The following SYNE2 variants were observed in gnomAD, a reference collection of about 807,000 sequenced individuals.
SYNE2 encodes the protein nesprin-2.
A neutral mutation model predicts 856.3 loss-of-function variants in SYNE2; 431 were observed. That is an observed-to-expected ratio of 0.50 (90% CI 0.47 to 0.55). The LOEUF is 0.55. Ranked by LOEUF, SYNE2 falls within the 20% of genes least tolerant of loss-of-function variation. The pLI, the probability that SYNE2 is intolerant of heterozygous loss-of-function variation, is 0.00. For missense variants in SYNE2, 8,129 were observed against 8,023.2 expected (o/e 1.01, Z -0.50); for synonymous variants, 2,923 against 2,872.3 (o/e 1.02, Z -0.56).
intron 11 of SYNE2, among the ~76,000 whole-genome samples, chr14:63,974,892 G>GTATCTATATATATATATATATATATATA (rs2096527541): frequency 1.5e-5 from 1 of 67,322 alleles, no homozygotes; most frequent in Non-Finnish European, 3.1e-5. Flanking sequence ...GTGTGTGTGT[G>GTATCTATATATATATATATATATATATA]TATATATATA....
At position 63,951,631 on chromosome 14, in the gene SYNE2, G is replaced by A. The variant is rs984285251; in HGVS notation, c.590+1625G>A. ...CCTTACTTTTCTTTAATTGTCATTC[G>A]TTCTCTATATTTTATGAGAGCCATA... On this transcript the variant is annotated intron_variant, in intron 7 of 115. Transcript: ENST00000555002. 3.4e-4 allele frequency among the ~76,000 whole-genome samples: 51 copies of A among 152,032 alleles called. 1 individual carries two copies. Among genetic ancestry groups the A allele is most frequent in the African/African-American group, 1.2e-3 (50 of 41,390 alleles).
chr14:64,072,245 A>G (rs1450298471), intron 52 of SYNE2, among the ~76,000 whole-genome samples: 1 of 152,258 alleles, frequency 6.6e-6, no homozygotes, highest in Non-Finnish European at 1.5e-5. Flanking sequence ...TTTTATGGCT[A>G]GAGGTGCTCT....
chr14:63,802,504 T>G (rs1888178690), intron 1 of SYNE2, among the ~76,000 whole-genome samples: 1 of 152,164 alleles, frequency 6.6e-6, no homozygotes, highest in Non-Finnish European at 1.5e-5. Context: ...ATGATAAAAT[T>G]AGCTAAGGCT....
intron 1 of SYNE2, among the ~76,000 whole-genome samples, chr14:63,897,219 C>T (rs1314937185): frequency 2.6e-5 from 4 of 152,084 alleles, no homozygotes; most frequent in Non-Finnish European, 4.4e-5. Context: ...TGCCACTGCA[C>T]TCCAGCCTGG....
intron 2 of SYNE2, among the ~76,000 whole-genome samples, chr14:63,926,769 G>C (rs572324238): frequency 6.6e-6 from 1 of 152,318 alleles, no homozygotes; most frequent in Non-Finnish European, 1.5e-5. Flanking sequence ...CAAGTAGTCT[G>C]TCTCCACAGC....
intron 34 of SYNE2, among the ~76,000 whole-genome samples, chr14:64,019,207 A>G (rs902801581): frequency 1.3e-5 from 2 of 151,604 alleles, no homozygotes; most frequent in Admixed American, 6.6e-5. Flanking sequence ...GGGGAGGCAG[A>G]GGTTACAGTG....
At chr14:63,996,758 A>G (rs536810213) in intron 23 of SYNE2, among the ~76,000 whole-genome samples, 189 bp from the exon 24 acceptor site, 3 of 152,084 alleles carry the variant, frequency 2.0e-5, no homozygotes, top group Non-Finnish European at 4.4e-5. Context: ...TGTCTAGGTT[A>G]CTGAACCGGA....
rs373288245 is a variant in SYNE2 at position 64,139,958 on chromosome 14, A to G, written c.14861A>G (p.Asp4954Gly). 1.2e-6 allele frequency: 2 copies of G among 1,613,992 alleles called. No individual in the cohort carries two copies. Among genetic ancestry groups the G allele is most frequent in the African/African-American group, 2.7e-5 (2 of 75,010 alleles). ...KHLLSYNRDS[D>G]QLTKWLESSQ... is the part of the protein sequence containing the mutation. ...CCTGTTAGTTATAACAGAGATTCGG[A>G]TCAGTTAACCAAGTGGTTGGAATCT... The change falls in exon 80 of 116, where the codon GAT (aspartate) becomes GGT (glycine). Residue 4954 changes from aspartate (D) to glycine (G), a missense_variant. Asp to Gly is a moderately conservative substitution (Grantham distance 94, BLOSUM62 -1). This residue lies in a region of SYNE2 where 5,410 missense variants were observed against 5,284.8 expected (regional missense o/e 1.02). Coordinates refer to ENST00000555002, the MANE Select transcript of SYNE2 (RefSeq NM_182914.3).
chr14:63,811,516 G>A (rs1417693685), intron 1 of SYNE2, among the ~76,000 whole-genome samples: 1 of 152,166 alleles, frequency 6.6e-6, no homozygotes, highest in Non-Finnish European at 1.5e-5. Context: ...TCCAGCCTTG[G>A]CCTCCCAAAG....
upstream of SYNE2, among the ~76,000 whole-genome samples, chr14:63,848,786 G>A (rs1890311947): frequency 6.6e-6 from 1 of 152,190 alleles, no homozygotes; most frequent in Admixed American, 6.5e-5. Context: ...TGAAATAATT[G>A]CAATAATGAC....
At chr14:63,827,865 G>T (rs1889515973) in intron 1 of SYNE2, among the ~76,000 whole-genome samples, 1 of 151,456 alleles carries the variant, frequency 6.6e-6, no homozygotes, top group East Asian at 1.9e-4. Flanking sequence ...ATATCCATGG[G>T]TTCTACATTT....
chr14:64,225,222 T>C, intron 115 of SYNE2, 97 bp from the exon 116 acceptor site: 1 of 1,592,698 alleles, frequency 6.3e-7, no homozygotes, highest in Non-Finnish European at 8.6e-7. Context: ...AAATCTCAGG[T>C]CTTGGATTTC....
chr14:64,169,318 G>A (rs138080845), intron 93 of SYNE2, among the ~76,000 whole-genome samples: 186 of 152,210 alleles, frequency 1.2e-3, no homozygotes, highest in African/African-American at 4.2e-3. Flanking sequence ...GATGTTTTGC[G>A]ACTTAAAAAA....
At chr14:64,147,091 G>C (rs535508618) in intron 84 of SYNE2, among the ~76,000 whole-genome samples, 1 of 151,504 alleles carries the variant, frequency 6.6e-6, no homozygotes, top group Non-Finnish European at 1.5e-5. Flanking sequence ...CCTACATTCC[G>C]CAGCCTGGTG....
intron 1 of SYNE2, among the ~76,000 whole-genome samples, chr14:63,773,354 C>G (rs964493339): frequency 6.6e-6 from 1 of 151,828 alleles, no homozygotes; most frequent in South Asian, 2.1e-4. Flanking sequence ...TGCACACGAC[C>G]ATGCCCTGAG....
Position 64,152,597 on chromosome 14 carries a change from G to A in SYNE2, c.15673G>A (p.Ala5225Thr), listed in dbSNP as rs1178101743. The A allele has an allele frequency of 1.2e-6, 2 of 1,614,046 alleles. No individual in the cohort carries two copies. The highest frequency in any genetic ancestry group is 8.5e-7 in the Non-Finnish European group (1 of 1,179,980). The change falls in exon 85 of 116, where the codon GCA (alanine) becomes ACA (threonine). Residue 5225 changes from alanine (A) to threonine (T), a missense_variant. Coordinates refer to ENST00000555002, the MANE Select transcript of SYNE2 (RefSeq NM_182914.3). ...AAATCAACTTGCAATTAAATCCAAA[G>A]CACTAGATGAGTTGAAACAAAGTTA... is the stretch of plus-strand genomic sequence containing the variant. ...IENQLAIKSK[A>T]LDELKQSYLT...
intron 64 of SYNE2, among the ~76,000 whole-genome samples, chr14:64,106,655 A>G (rs940167063): frequency 6.6e-6 from 1 of 152,248 alleles, no homozygotes; most frequent in Admixed American, 6.5e-5. Context: ...TCTCAAAAAA[A>G]AATATTAACA....
rs372646104 is a variant in SYNE2 at position 64,001,735 on chromosome 14, A to C, written c.3639-199A>C. 2.4e-4 allele frequency among the ~76,000 whole-genome samples: 36 copies of C among 152,358 alleles called. No homozygotes were observed. The South Asian group carries it at 7.2e-3, about 31-fold the overall frequency. On this transcript the variant is annotated intron_variant, in intron 28 of 115. Coordinates refer to ENST00000555002, the MANE Select transcript of SYNE2 (RefSeq NM_182914.3). Reference sequence around the variant, plus strand: ...GATGAACAAATAAAAGAATACTTGGATATAGCAACCAATTCATTCTTTGGC... The same window carrying C: ...GATGAACAAATAAAAGAATACTTGGCTATAGCAACCAATTCATTCTTTGGC...
At chr14:64,094,627 G>A (rs2097661295) in intron 61 of SYNE2, among the ~76,000 whole-genome samples, 1 of 152,138 alleles carries the variant, frequency 6.6e-6, no homozygotes, top group Non-Finnish European at 1.5e-5. Context: ...GACATCTACA[G>A]TGAAGTACAG....
Sources: allele counts gnomAD v4.1 joint callset (sites outside exome capture counted in the v4.1 genomes callset), GRCh38; gene constraint gnomAD v4.1.1; regional missense constraint gnomAD v4.1.1; transcripts MANE v1.5; gene names NCBI Gene and HGNC (gene_info 2026-07-23, HGNC 2026-07-21).